PPP1R1C: variants seen among roughly 807,000 people sequenced by gnomAD.
PPP1R1C encodes the protein protein phosphatase 1 regulatory subunit 1C.
A neutral mutation model predicts 17.4 loss-of-function variants in PPP1R1C; 15 were observed. That is an observed-to-expected ratio of 0.86 (90% confidence interval 0.58 to 1.33). The LOEUF is 1.33. PPP1R1C is among the 40% of genes most tolerant of loss of function. The pLI is 0.00. For missense variants in PPP1R1C, 143 were observed against 130.0 expected, an observed-to-expected ratio of 1.10 and a Z score of -0.48; for synonymous variants, 35 against 43.1, an observed-to-expected ratio of 0.81 and a Z score of 0.73.
In PPP1R1C at chr2:181,961,865, G is replaced by C; in HGVS notation, n.111+7231G>C. On this transcript the variant is annotated intron_variant and non_coding_transcript_variant, in intron 1 of 5. Transcript: ENST00000464264. The surrounding 1 kb of genome is among the most constrained non-coding windows in gnomAD (Gnocchi z 5.8). ...TTCATGAAGAGCAGCTCCTCCTTGAGAGCCTCCATCTCTGTCTCCAGTGGC... is the reference window on the plus strand; with the variant it reads ...TTCATGAAGAGCAGCTCCTCCTTGACAGCCTCCATCTCTGTCTCCAGTGGC... 1 of 850,356 alleles carries C rather than the reference G, an allele frequency of 1.2e-6. No individual in the cohort carries two copies. The highest frequency in any genetic ancestry group is 1.7e-5 in the Admixed American group (1 of 58,430). The allele number at this position is 850,356 out of a possible 1,614,324, so 52.7% of individuals were successfully genotyped here. A position where few individuals can be genotyped will look rare whatever the true frequency, so the allele number is the denominator to read the frequency against.
At chr2:182,121,760 C>T (rs1202444134), downstream of PPP1R1C, among the ~76,000 whole-genome samples, 1 of 152,150 alleles carries the variant, frequency 6.6e-6, no homozygotes, top group Non-Finnish European at 1.5e-5. Flanking sequence ...CCTCAGCCTC[C>T]CAAAGTGCTG....
At chr2:182,096,304 T>C (rs939632586) in intron 4 of PPP1R1C, among the ~76,000 whole-genome samples, 1 of 152,176 alleles carries the variant, frequency 6.6e-6, no homozygotes, top group Non-Finnish European at 1.5e-5. Context: ...CATATGACCC[T>C]ACTTTCAGGC....
chr2:181,965,164 G>C (rs976062597), intron 1 of PPP1R1C, among the ~76,000 whole-genome samples: 1 of 151,972 alleles, frequency 6.6e-6, no homozygotes, highest in African/African-American at 2.4e-5. Context: ...TTTTCCTATA[G>C]AGTTGTTTGA....
chr2:182,036,650 T>A (rs1241242083), intron 2 of PPP1R1C, among the ~76,000 whole-genome samples: 4 of 152,168 alleles, frequency 2.6e-5, no homozygotes, highest in African/African-American at 9.7e-5. Flanking sequence ...GAAACCGTTA[T>A]TATTATAACT....
At chr2:182,044,041 T>C (rs2701665) in intron 2 of PPP1R1C, among the ~76,000 whole-genome samples, 115,846 of 152,048 alleles carry the variant, frequency 0.76, 44,439 homozygotes, top group African/African-American at 0.79. Context: ...CACCCTCACC[T>C]ATGTCGAGTC....
At chr2:182,020,324 T>A (rs1229916323) in intron 2 of PPP1R1C, among the ~76,000 whole-genome samples, 1 of 152,164 alleles carries the variant, frequency 6.6e-6, no homozygotes, top group East Asian at 1.9e-4. Flanking sequence ...AGATAAAATA[T>A]CTTATTAGAC....
chr2:182,088,582 G>T (rs1181121741), intron 4 of PPP1R1C, among the ~76,000 whole-genome samples: 1 of 152,158 alleles, frequency 6.6e-6, no homozygotes, highest in Non-Finnish European at 1.5e-5. Flanking sequence ...TGTAACCAAG[G>T]AATACATGTT....
chr2:182,025,191 T>G (rs1400737810), intron 2 of PPP1R1C, among the ~76,000 whole-genome samples: 1 of 148,216 alleles, frequency 6.7e-6, no homozygotes, highest in Admixed American at 6.7e-5. Context: ...ATTATTATTA[T>G]TATTATTATT....
chr2:182,006,266 T>C (rs934278858), intron 2 of PPP1R1C, among the ~76,000 whole-genome samples: 2 of 152,148 alleles, frequency 1.3e-5, no homozygotes, highest in Non-Finnish European at 2.9e-5. Flanking sequence ...GAAGTGAGGC[T>C]TTGGTTATAA....
chr2:182,043,539 T>C (rs1307884683), intron 2 of PPP1R1C, among the ~76,000 whole-genome samples: 1 of 150,828 alleles, frequency 6.6e-6, no homozygotes. Flanking sequence ...ATGATACAAA[T>C]GATCTACCTA....
At chr2:182,084,276 G>A (rs1042369282) in intron 4 of PPP1R1C, among the ~76,000 whole-genome samples, 2 of 151,852 alleles carry the variant, frequency 1.3e-5, no homozygotes, top group Non-Finnish European at 2.9e-5. Flanking sequence ...GTTTAATTAG[G>A]TCCCGTTTAT....
intron 4 of PPP1R1C, among the ~76,000 whole-genome samples, chr2:182,106,901 C>A (rs1689270235): frequency 6.6e-6 from 1 of 152,118 alleles, no homozygotes; most frequent in African/African-American, 2.4e-5. Flanking sequence ...AGGGGGACAC[C>A]AGAAGAAGCA....
intron 2 of PPP1R1C, among the ~76,000 whole-genome samples, chr2:182,020,192 T>C (rs149572112): frequency 2.3e-3 from 343 of 152,318 alleles, no homozygotes; most frequent in African/African-American, 8.0e-3. Flanking sequence ...TAAGCTATTT[T>C]AGTATATTTA....
chr2:182,018,988 A>G (rs1237335977), intron 2 of PPP1R1C, among the ~76,000 whole-genome samples: 1 of 152,192 alleles, frequency 6.6e-6, no homozygotes, highest in East Asian at 1.9e-4. Flanking sequence ...TTAGTCATTT[A>G]CGAAAGTATA....
chr2:182,095,251 A>T (rs1688898497), intron 4 of PPP1R1C, among the ~76,000 whole-genome samples: 1 of 152,132 alleles, frequency 6.6e-6, no homozygotes, highest in Non-Finnish European at 1.5e-5. Flanking sequence ...GTGAGCTGAG[A>T]TCGTGCCACT....
Position 182,004,358 on chromosome 2 carries a change from T to C in PPP1R1C, c.142+16459T>C, listed in dbSNP as rs545912577. On this transcript the variant is annotated intron_variant, in intron 2 of 4. Transcript: ENST00000682840. ...ACAGATAGTTACTGAGGCCAGGTAA[T>C]GTGCTGAGTTGAGGATTCACAATGA... Among the ~76,000 whole-genome samples, 8 of 152,300 alleles carry C rather than the reference T, an allele frequency of 5.3e-5. No individual in the cohort carries two copies. The South Asian group carries it at 1.7e-3, about 32-fold the overall frequency.
At chr2:182,078,376 A>AT (rs1361425645) in intron 4 of PPP1R1C, among the ~76,000 whole-genome samples, 1 of 152,044 alleles carries the variant, frequency 6.6e-6, no homozygotes, top group Non-Finnish European at 1.5e-5. Flanking sequence ...GTAGGCAGGT[A>AT]TTTTTTTCAG....
chr2:181,998,220 T>C (rs1282217874), intron 2 of PPP1R1C, among the ~76,000 whole-genome samples: 1 of 152,240 alleles, frequency 6.6e-6, no homozygotes, highest in African/African-American at 2.4e-5. Flanking sequence ...CTGGCATTGG[T>C]TGTGTTGCTG....
chr2:182,038,713 T>A (rs1357738998), intron 2 of PPP1R1C, among the ~76,000 whole-genome samples: 1 of 152,178 alleles, frequency 6.6e-6, no homozygotes, highest in East Asian at 1.9e-4. Flanking sequence ...AGCAATAGGC[T>A]GTGTGTGCCT....
Sources: allele counts gnomAD v4.1 joint callset (sites outside exome capture counted in the v4.1 genomes callset), GRCh38; gene constraint gnomAD v4.1.1; non-coding constraint Gnocchi (gnomAD v3.1); transcripts MANE v1.5; gene names NCBI Gene and HGNC (gene_info 2026-07-23, HGNC 2026-07-21).